Variants in COX11 observed in about 807,000 individuals in gnomAD.
COX11 encodes the protein cytochrome c oxidase assembly protein COX11, mitochondrial.
COX11 carries 18 observed loss-of-function variants against 29.4 expected under a neutral mutation model. The observed-to-expected ratio is 0.61, with a 90% confidence interval of 0.42 to 0.91. The LOEUF (loss-of-function observed/expected upper bound fraction) is 0.91, where lower values mean the gene tolerates loss of function less well. Among genes scored for constraint, COX11 ranks in the 40% least tolerant of loss-of-function variants. The pLI is 0.00. For missense variants in COX11, 312 were observed against 346.0 expected (o/e 0.90, Z 0.78); for synonymous variants, 131 against 124.0 (o/e 1.06, Z -0.38).
At chr17:54,958,748 A>AAAGGG (rs372776781), downstream of COX11, among the ~76,000 whole-genome samples, 11 of 118,928 alleles carry the variant, frequency 9.2e-5, no homozygotes, top group East Asian at 1.9e-3. Flanking sequence ...AAAAAAAAAA[A>AAAGGG]GGGGTTGTTG....
At chr17:54,964,525 T>C (rs74743009) in intron 2 of COX11, 172 bp downstream of exon 2, 16,012 of 660,314 alleles carry the variant, frequency 0.024, 398 homozygotes, top group East Asian at 0.11. Flanking sequence ...TGTAACAGAA[T>C]TTATACTTTA....
exon 1 of COX11, chr17:54,953,894 T>C (rs1173646486): frequency 6.6e-6 from 1 of 152,136 alleles, no homozygotes; most frequent in East Asian, 1.9e-4. Context: ...GTCATCTGGG[T>C]CCCAAGGGGT....
At position 54,961,953 on chromosome 17, in the gene COX11, ACAATT is replaced by A. The variant is rs2077136278; in HGVS notation, c.*775_*779del. On this transcript the variant is annotated 3_prime_UTR_variant, in exon 4 of 4. Transcript: ENST00000299335. ...TGATGACAAATAAATCACTATTAAA[ACAATT>A]TAATACTTTTTTTTTTTAACAAAGG... The A allele has an allele frequency of 1.1e-6, 1 of 888,802 alleles. No individual in the cohort carries two copies. The highest frequency in any genetic ancestry group is 7.0e-5 in the Admixed American group (1 of 14,252). The allele number at this position is 888,802 out of a possible 1,614,324, so 55.1% of individuals were successfully genotyped here.
chr17:54,968,724 T>C (rs1454940701), upstream of COX11: 3 of 1,506,156 alleles, frequency 2.0e-6, no homozygotes, highest in Admixed American at 6.3e-5. Flanking sequence ...TCTCGCGAGA[T>C]CTGGGTTGAG....
Position 54,961,469 on chromosome 17 carries a change from T to C in COX11, c.*1264A>G. On this transcript the variant is annotated 3_prime_UTR_variant, in exon 4 of 4. Coordinates refer to ENST00000299335, the MANE Select transcript of COX11 (RefSeq NM_004375.5). ...TTGGAACAAATACTCACTTAAAACTTCAGCAGAAGAAAAATTACTTAGTCC... is the reference window on the plus strand; with the variant it reads ...TTGGAACAAATACTCACTTAAAACTCCAGCAGAAGAAAAATTACTTAGTCC... The C allele has an allele frequency of 6.9e-7, 1 of 1,451,040 alleles. No homozygotes were observed. The highest frequency in any genetic ancestry group is 9.0e-7 in the Non-Finnish European group (1 of 1,105,806). 89.9% of individuals were successfully genotyped at this position (1,451,040 alleles called of 1,614,324 possible).
At position 54,968,424 on chromosome 17, in the gene COX11, T is replaced by G. The variant is rs1453126293; in HGVS notation, c.223A>C (p.Lys75Gln). Residue 75 changes from lysine to glutamine, a missense_variant, in exon 1 of 4, where the codon AAG (lysine) becomes CAG (glutamine). By Grantham distance (53) the Lys-to-Gln change is moderately conservative. Around this residue, in one of 2 missense-constraint regions of COX11, gnomAD observed 130 missense variants for 106.0 expected, o/e 1.23. Transcript: ENST00000299335. ...HPALQPPRRP[K>Q]SSNPFTRAQE... ...GCGCGTGTGAAAGGGTTCGAGCTCTTAGGCCGCCGCGGCGGCTGCAATGCT... is the reference window on the plus strand; with the variant it reads ...GCGCGTGTGAAAGGGTTCGAGCTCTGAGGCCGCCGCGGCGGCTGCAATGCT... The G allele has an allele frequency of 6.2e-7, 1 of 1,613,390 alleles. No individual in the cohort carries two copies.
intron 1 of COX11, among the ~76,000 whole-genome samples, chr17:54,967,679 T>TGCTGCC (rs2077272972): frequency 6.9e-6 from 1 of 144,552 alleles, no homozygotes; most frequent in African/African-American, 2.6e-5. Flanking sequence ...GTGATGCTGA[T>TGCTGCC]GCTGCCGGTC....
chr17:54,955,207 TGA>T (rs909711688), upstream of COX11: 7 of 152,190 alleles, frequency 4.6e-5, no homozygotes, highest in Non-Finnish European at 8.8e-5. Context: ...CCTGGGAAGC[TGA>T]GAGGATAACA....
In COX11 at chr17:54,962,914, C is replaced by T; in HGVS notation, c.650G>A (p.Cys217Tyr). ...EAGQYFNKIQ[C>Y]FCFEEQRLNP... The stretch of plus-strand genomic sequence containing the variant: ...AAGCCTTTGTTCTTCAAAACAGAAG[C>T]ACTGGAAATTATAGAAAGATTTTAA... Residue 217 changes from cysteine to tyrosine, a missense_variant and splice_region_variant, in exon 4 of 4, where the codon TGC becomes TAC. By Grantham distance (194) the Cys-to-Tyr change is radical. Around this residue, in one of 2 missense-constraint regions of COX11, gnomAD observed 182 missense variants for 240.0 expected, o/e 0.76. Coordinates refer to ENST00000299335, the MANE Select transcript of COX11 (RefSeq NM_004375.5). 6.2e-7 allele frequency: 1 copy of T among 1,605,734 alleles called. No homozygotes were observed. The highest frequency in any genetic ancestry group is 8.5e-7 in the Non-Finnish European group (1 of 1,176,502).
rs1242108500 is a variant in COX11, at chr17:54,961,082, C to T, written c.*1651G>A. On this transcript the variant is annotated 3_prime_UTR_variant, in exon 4 of 4. Coordinates refer to ENST00000299335, the MANE Select transcript of COX11 (RefSeq NM_004375.5). The stretch of plus-strand genomic sequence containing the variant: ...TGAACTATCAAAACTTATTTATTCC[C>T]CTTATACCCTCCCCTATGGAAGAAG... 4 of 653,394 alleles carry T rather than the reference C, an allele frequency of 6.1e-6. No individual in the cohort carries two copies. The highest frequency in any genetic ancestry group is 1.1e-5 in the Non-Finnish European group (4 of 371,188). 40.5% of individuals were successfully genotyped at this position (653,394 alleles called of 1,614,324 possible).
At chr17:54,968,729 G>A, upstream of COX11, 4 of 1,476,620 alleles carry the variant, frequency 2.7e-6, no homozygotes, top group Non-Finnish European at 1.8e-6. Flanking sequence ...CGAGATCTGG[G>A]TTGAGCCTGC....
rs1243797187 is a variant in COX11 at position 54,964,468 on chromosome 17, AT to A, written c.522+228del. On this transcript the variant is annotated intron_variant, in intron 2 of 3. Transcript: ENST00000299335. The stretch of plus-strand genomic sequence containing the variant: ...ATACTGACGGGTTCCATTACTATAA[AT>A]TTTTTTATTCCCATAGACTACTTTT... The A allele has an allele frequency of 1.1e-4, 51 of 479,254 alleles. 1 individual carries two copies. In the South Asian group the frequency reaches 1.3e-3, roughly 12 times the overall value. 29.7% of individuals were successfully genotyped at this position (479,254 alleles called of 1,614,324 possible).
chr17:54,964,148 T>TA (rs1295113439), intron 2 of COX11, among the ~76,000 whole-genome samples: 6 of 152,164 alleles, frequency 3.9e-5, no homozygotes, highest in Admixed American at 2.6e-4. Flanking sequence ...AGATTTCAGT[T>TA]AAAATCTTTC....
At chr17:54,960,170 C>G (rs2077079609), downstream of COX11, among the ~76,000 whole-genome samples, 1 of 152,018 alleles carries the variant, frequency 6.6e-6, no homozygotes, top group South Asian at 2.1e-4. Context: ...TGAAACCAGC[C>G]TGGCCAACAG....
downstream of COX11, among the ~76,000 whole-genome samples, chr17:54,956,170 G>T (rs184887414): frequency 2.6e-5 from 4 of 152,198 alleles, no homozygotes; most frequent in East Asian, 7.7e-4. Flanking sequence ...TTCTTGACAG[G>T]GTCTCACTGT....
chr17:54,968,647 A>G lies in COX11; in HGVS notation c.-1T>C, dbSNP rs200356874. 2 of 1,608,672 alleles carry G rather than the reference A, an allele frequency of 1.2e-6. No homozygotes were observed. Among genetic ancestry groups the G allele is most frequent in the Admixed American group, 1.7e-5 (1 of 59,664 alleles). On this transcript the variant is annotated 5_prime_UTR_variant, in exon 1 of 4. Transcript: ENST00000299335. Reference sequence around the variant, plus strand: ...ATCCAGGACGCCAGAGCCCTCCCATAACCCTCTGAACTAACACCCACCCGC... The same window carrying G: ...ATCCAGGACGCCAGAGCCCTCCCATGACCCTCTGAACTAACACCCACCCGC...
In COX11 at chr17:54,962,532, A is replaced by G. The variant is rs1313968507; in HGVS notation, c.*201T>C. 26 of 1,285,658 alleles carry G rather than the reference A, an allele frequency of 2.0e-5. No individual in the cohort carries two copies. Among genetic ancestry groups the G allele is most frequent in the Non-Finnish European group, 6.9e-6 (7 of 1,018,936 alleles). 79.6% of individuals were successfully genotyped at this position (1,285,658 alleles called of 1,614,324 possible). On this transcript the variant is annotated 3_prime_UTR_variant, in exon 4 of 4. Coordinates refer to ENST00000299335, the MANE Select transcript of COX11 (RefSeq NM_004375.5). ...AGTATGGTATTGAATAGTCAGTCAT[A>G]TATTCTAGCTAGGCATATGAGTTTC...
downstream of COX11, among the ~76,000 whole-genome samples, chr17:54,960,391 C>G (rs569488881): frequency 2.0e-5 from 3 of 152,114 alleles, no homozygotes; most frequent in South Asian, 6.2e-4. Context: ...TGAAGTGCAA[C>G]ATTAGAATTT....
chr17:54,956,608 CTTTTAAT>C (rs2049517024), downstream of COX11, among the ~76,000 whole-genome samples: 1 of 152,054 alleles, frequency 6.6e-6, no homozygotes, highest in Non-Finnish European at 1.5e-5. Flanking sequence ...CGTGCCTAGC[CTTTTAAT>C]TTTTTTCTTT....
Sources: allele counts gnomAD v4.1 joint callset (sites outside exome capture counted in the v4.1 genomes callset), GRCh38; gene constraint gnomAD v4.1.1; regional missense constraint gnomAD v4.1.1; transcripts MANE v1.5; gene names NCBI Gene and HGNC (gene_info 2026-07-23, HGNC 2026-07-21).